IL17RC: variants seen among roughly 807,000 people sequenced by gnomAD.
IL17RC encodes interleukin-17 receptor C.
In IL17RC, 53 loss-of-function variants were observed where a neutral mutation model predicts 86.7. The observed-to-expected ratio is 0.61, with a 90% CI of 0.49 to 0.77. IL17RC has a LOEUF of 0.77. Among genes scored for constraint, IL17RC ranks in the 30% least tolerant of loss-of-function variants. The pLI is 0.00. For synonymous variants in IL17RC, 439 were observed against 413.1 expected (o/e 1.06, Z -0.76); for missense variants, 957 against 940.0 (o/e 1.02, Z -0.24).
At position 9,917,226 on chromosome 3, in the gene IL17RC, C is replaced by T. The variant is rs2083149525; in HGVS notation, c.-90C>T. On this transcript the variant is annotated 5_prime_UTR_variant, in exon 1 of 19. Coordinates refer to ENST00000403601, the MANE Select transcript of IL17RC (RefSeq NM_153460.4). ...TGAAGAGGGATTCCAGCCCCTGCCA[C>T]CCACAGACACGGGCTGACTGGGGTG... The T allele has an allele frequency of 4.8e-6, 5 of 1,032,764 alleles. No homozygotes were observed. In the Admixed American group the frequency reaches 1.4e-4, roughly 28 times the overall value. 64.0% of individuals were successfully genotyped at this position (1,032,764 alleles called of 1,614,324 possible). A position where few individuals can be genotyped will look rare whatever the true frequency, so the allele number is the denominator to read the frequency against.
intron 16 of IL17RC, 105 bp from the exon 17 acceptor site, chr3:9,932,503 T>A: frequency 1.9e-6 from 2 of 1,042,030 alleles, no homozygotes; most frequent in Non-Finnish European, 3.0e-6. Flanking sequence ...TGGGATTATA[T>A]AAAGGCATGA....
At chr3:9,928,695 G>A (rs889238442) in intron 12 of IL17RC, 65 bp downstream of exon 12, 8 of 1,544,024 alleles carry the variant, frequency 5.2e-6, no homozygotes, top group Non-Finnish European at 7.1e-6. Context: ...AGCCAAGGGG[G>A]TCTTAGTTCT....
chr3:9,917,236 C>T lies in IL17RC; in HGVS notation c.-80C>T, dbSNP rs1266733461. 4 of 1,139,420 alleles carry T rather than the reference C, an allele frequency of 3.5e-6. No individual in the cohort carries two copies. The highest frequency in any genetic ancestry group is 1.6e-5 in the African/African-American group (1 of 62,964). 70.6% of individuals were successfully genotyped at this position (1,139,420 alleles called of 1,614,324 possible). On this transcript the variant is annotated 5_prime_UTR_variant, in exon 1 of 19. In the 5' UTR this introduces an upstream ATG that the reference lacks. Coordinates refer to ENST00000403601, the MANE Select transcript of IL17RC (RefSeq NM_153460.4). ...TTCCAGCCCCTGCCACCCACAGACA[C>T]GGGCTGACTGGGGTGTCTGCCCCCC...
At chr3:9,923,526 G>T (rs2083769098) in intron 7 of IL17RC, among the ~76,000 whole-genome samples, 1 of 151,856 alleles carries the variant, frequency 6.6e-6, no homozygotes, top group Admixed American at 6.6e-5. Flanking sequence ...CTCCAGCCTG[G>T]GCAACAGAGC....
chr3:9,928,503 G>T lies in IL17RC; in HGVS notation c.1059+17G>T, dbSNP rs1363709244. The T allele has an allele frequency of 1.9e-6, 3 of 1,612,902 alleles. No homozygotes were observed. Among genetic ancestry groups the T allele is most frequent in the East Asian group, 4.5e-5 (2 of 44,892 alleles). ...ACTGTGGACGTAAGTGAAGCAGAGG[G>T]CACCTCCCGTGGTGAGGGGAGAGTG... On this transcript the variant is annotated intron_variant, in intron 11 of 18. Transcript: ENST00000403601.
At position 9,918,592 on chromosome 3, in the gene IL17RC, C is replaced by A; in HGVS notation, c.448C>A (p.Gln150Lys). The A allele has an allele frequency of 2.5e-6, 4 of 1,612,824 alleles. No individual in the cohort carries two copies. Among genetic ancestry groups the A allele is most frequent in the Non-Finnish European group, 3.4e-6 (4 of 1,178,868 alleles). The change falls in exon 5 of 19, where the codon CAG becomes AAG. Residue 150 changes from glutamine to lysine, a missense_variant. Coordinates refer to ENST00000403601, the MANE Select transcript of IL17RC (RefSeq NM_153460.4). Reference sequence around the variant, plus strand: ...GGTGCAAGTGCCTGCTGCCCTTGTGCAGTTTGGTCAGTCTGTGGTATGCAA... The same window carrying A: ...GGTGCAAGTGCCTGCTGCCCTTGTGAAGTTTGGTCAGTCTGTGGTATGCAA... The part of the protein sequence containing the change: ...LEVQVPAALV[Q>K]FGQSVGSVVY...
chr3:9,928,291 C>A lies in IL17RC; in HGVS notation c.878-14C>A, dbSNP rs755276107. ...GGGTACCTGGCCTGCGGTGACTGTG[C>A]CCTTTCCTTGCAGACCCCCGCGCAC... On this transcript the variant is annotated splice_polypyrimidine_tract_variant and intron_variant, in intron 10 of 18. Coordinates refer to ENST00000403601, the MANE Select transcript of IL17RC (RefSeq NM_153460.4). 1.2e-6 allele frequency: 2 copies of A among 1,610,996 alleles called. No homozygotes were observed. The highest frequency in any genetic ancestry group is 1.7e-6 in the Non-Finnish European group (2 of 1,177,826).
chr3:9,918,270 A>G lies in IL17RC; in HGVS notation c.281-65A>G, dbSNP rs538571876. 4.8e-6 allele frequency: 7 copies of G among 1,469,488 alleles called. No homozygotes were observed. The East Asian group carries it at 9.9e-5, about 21-fold the overall frequency. The allele number at this position is 1,469,488 out of a possible 1,614,324, so 91.0% of individuals were successfully genotyped here. A position where few individuals can be genotyped will look rare whatever the true frequency, so the allele number is the denominator to read the frequency against. On this transcript the variant is annotated intron_variant, in intron 3 of 18. Transcript: ENST00000403601. Reference sequence around the variant, plus strand: ...CACTGGGCTTTCCAGAAGGAAGCCAACGCCAAAGCCAGCCAGCCCAGAGCA... The same window carrying G: ...CACTGGGCTTTCCAGAAGGAAGCCAGCGCCAAAGCCAGCCAGCCCAGAGCA...
Position 9,933,059 on chromosome 3 carries a change from C to A in IL17RC, c.1629C>A (p.Arg543=). The A allele has an allele frequency of 3.2e-6, 5 of 1,546,662 alleles. No individual in the cohort carries two copies. The highest frequency in any genetic ancestry group is 4.3e-6 in the Non-Finnish European group (5 of 1,156,510). ...LASALCQLPL[R]VAVDLWSRRE... The stretch of plus-strand genomic sequence containing the variant: ...CGGCCCTGTGCCAGCTGCCGCTGCG[C>A]GTGGCCGTAGACCTGTGGAGCCGTC... The change falls in exon 19 of 19, where the codon CGC becomes CGA. Residue 543 remains arginine, a synonymous_variant. Transcript: ENST00000403601.
chr3:9,932,854 G>A lies in IL17RC; in HGVS notation c.1518G>A (p.Ser506=), dbSNP rs574709557. Residue 506 remains serine, a synonymous_variant, in exon 18 of 19, where the codon TCG becomes TCA. Coordinates refer to ENST00000403601, the MANE Select transcript of IL17RC (RefSeq NM_153460.4). ...GGCTCTTGAAACAGGACGTCCGCTC[G>A]GGGGGTGAGTGGGAGCAAGCGCTGG... ...WLRLLKQDVR[S]GAAARGRAAL... is the part of the protein sequence containing the mutation. The A allele has an allele frequency of 1.2e-5, 19 of 1,569,074 alleles. No homozygotes were observed. The African/African-American group carries it at 2.5e-4, about 20-fold the overall frequency.
Position 9,918,044 on chromosome 3 carries a change from T to C in IL17RC, c.249T>C (p.Cys83=). 1 of 1,597,668 alleles carries C rather than the reference T, an allele frequency of 6.3e-7. No homozygotes were observed. Among genetic ancestry groups the C allele is most frequent in the Non-Finnish European group, 8.5e-7 (1 of 1,172,150 alleles). Residue 83 remains cysteine (C), a synonymous_variant, in exon 3 of 19, where the codon TGT becomes TGC. Coordinates refer to ENST00000403601, the MANE Select transcript of IL17RC (RefSeq NM_153460.4). ...AGAAGGAGACCGACTGTGACCTCTG[T>C]CTGCGTGTGGCTGTCCACTTGGCCG... ...RCQKETDCDL[C]LRVAVHLAVH...
At chr3:9,918,821 G>A (rs867671851) in intron 5 of IL17RC, among the ~76,000 whole-genome samples, 1 of 152,066 alleles carries the variant, frequency 6.6e-6, no homozygotes, top group African/African-American at 2.4e-5. Flanking sequence ...CAGCGCTGTG[G>A]GCAAGTCCCT....
intron 2 of IL17RC, 69 bp from the exon 3 acceptor site, chr3:9,917,854 G>A: frequency 1.2e-6 from 2 of 1,609,670 alleles, no homozygotes; most frequent in South Asian, 2.2e-5. Context: ...TGGCTCTCTG[G>A]GTATGTCAGG....
At chr3:9,921,480 A>ACAAAC (rs1553580624) in intron 7 of IL17RC, among the ~76,000 whole-genome samples, 1 of 151,608 alleles carries the variant, frequency 6.6e-6, no homozygotes, top group African/African-American at 2.4e-5. Context: ...ACAAAACAAA[A>ACAAAC]ACAAAAAACT....
chr3:9,917,216 G>A lies in IL17RC; in HGVS notation c.-100G>A. Reference sequence around the variant, plus strand: ...CTCTGGAGGCTGAAGAGGGATTCCAGCCCCTGCCACCCACAGACACGGGCT... The same window carrying A: ...CTCTGGAGGCTGAAGAGGGATTCCAACCCCTGCCACCCACAGACACGGGCT... On this transcript the variant is annotated 5_prime_UTR_variant, in exon 1 of 19. Transcript: ENST00000403601. 1.1e-6 allele frequency: 1 copy of A among 922,620 alleles called. No homozygotes were observed. The highest frequency in any genetic ancestry group is 1.6e-6 in the Non-Finnish European group (1 of 614,228). 57.2% of individuals were successfully genotyped at this position (922,620 alleles called of 1,614,324 possible).
Position 9,933,281 on chromosome 3 carries a change from G to C in IL17RC, c.1851G>C (p.Leu617=). 6.2e-7 allele frequency: 1 copy of C among 1,604,848 alleles called. No homozygotes were observed. The highest frequency in any genetic ancestry group is 8.5e-7 in the Non-Finnish European group (1 of 1,175,950). The stretch of plus-strand genomic sequence containing the variant: ...TCCGCGCCTCGCTCAGCTGCGTGCT[G>C]CCCGACTTCTTGCAGGGCCGGGCGC... ...DAFRASLSCV[L]PDFLQGRAPG... Residue 617 remains leucine (L), a synonymous_variant, in exon 19 of 19, where the codon CTG becomes CTC. Coordinates refer to ENST00000403601, the MANE Select transcript of IL17RC (RefSeq NM_153460.4).
Position 9,920,482 on chromosome 3 carries a change from T to C in IL17RC, c.466-9T>C, listed in dbSNP as rs2083449625. 1.9e-6 allele frequency: 3 copies of C among 1,567,408 alleles called. No homozygotes were observed. The highest frequency in any genetic ancestry group is 2.6e-6 in the Non-Finnish European group (3 of 1,147,752). On this transcript the variant is annotated splice_polypyrimidine_tract_variant and intron_variant, in intron 5 of 18. Transcript: ENST00000403601. Reference sequence around the variant, plus strand: ...GCACCGCCAGCCTTCCTCACCCCTCTCCTCACAGGGCTCTGTGGTATATGA... The same window carrying C: ...GCACCGCCAGCCTTCCTCACCCCTCCCCTCACAGGGCTCTGTGGTATATGA...
In IL17RC at chr3:9,928,433, G is replaced by A; in HGVS notation, c.1006G>A (p.Asp336Asn). Reference sequence around the variant, plus strand: ...ACTGTGCTGGCGGGCTCCGGGTGGGGACCCCTGCCAGCCACTGGTCCCACC... The same window carrying A: ...ACTGTGCTGGCGGGCTCCGGGTGGGAACCCCTGCCAGCCACTGGTCCCACC... Reference protein sequence around the residue: ...AALCWRAPGGDPCQPLVPPLS... With the variant: ...AALCWRAPGGNPCQPLVPPLS... Residue 336 changes from aspartate to asparagine, a missense_variant, in exon 11 of 19, where the codon GAC becomes AAC. Physicochemically the swap from Asp to Asn is conservative, Grantham distance 23 (BLOSUM62 1). Transcript: ENST00000403601. The A allele has an allele frequency of 6.2e-7, 1 of 1,607,172 alleles. No individual in the cohort carries two copies. The highest frequency in any genetic ancestry group is 8.5e-7 in the Non-Finnish European group (1 of 1,179,040).
At chr3:9,932,221 T>TTTCTG (rs982801083) in intron 16 of IL17RC, among the ~76,000 whole-genome samples, 4 of 151,988 alleles carry the variant, frequency 2.6e-5, no homozygotes, top group African/African-American at 9.7e-5. Context: ...ATTTCTTCGT[T>TTTCTG]TTTTGTTTTG....
Sources: gnomAD v4.1 joint callset for allele counts (sites outside exome capture counted in the v4.1 genomes callset) on GRCh38, gnomAD v4.1.1 for gene constraint, MANE v1.5 for transcripts, NCBI Gene and HGNC (gene_info 2026-07-23, HGNC 2026-07-21) for gene names.